The following ENTREP2 variants were observed in gnomAD, a reference collection of about 807,000 sequenced individuals.
ENTREP2 encodes protein ENTREP2.
At chr15:29,343,455 A>T in the ENTREP2 span, among the ~76,000 whole-genome samples, 6 of 151,940 alleles carry the variant, frequency 3.9e-5, no homozygotes. Flanking sequence ...CAGAATTCAG[A>T]CTCACAAATG....
chr15:29,502,411 C>T, the ENTREP2 span, among the ~76,000 whole-genome samples: 1 of 151,616 alleles, frequency 6.6e-6, no homozygotes, highest in African/African-American at 2.4e-5. Flanking sequence ...AGTTGGACCC[C>T]ACCTTATACC....
the ENTREP2 span, chr15:29,126,534 G>A: frequency 9.9e-6 from 15 of 1,521,486 alleles, no homozygotes; most frequent in African/African-American, 1.4e-5. Context: ...CGGCCGCAGG[G>A]GACGCTGGCG....
the ENTREP2 span, among the ~76,000 whole-genome samples, chr15:29,426,674 T>C: frequency 1.6e-4 from 25 of 152,210 alleles, no homozygotes; most frequent in African/African-American, 5.5e-4. Flanking sequence ...TCCACTGCAC[T>C]TGACAGTCTC....
the ENTREP2 span, among the ~76,000 whole-genome samples, chr15:29,474,070 C>T: frequency 6.6e-6 from 1 of 152,176 alleles, no homozygotes; most frequent in Non-Finnish European, 1.5e-5. Flanking sequence ...TGCGTGCTGC[C>T]CTACCCTATG....
At chr15:29,236,946 C>A in the ENTREP2 span, among the ~76,000 whole-genome samples, 1 of 152,060 alleles carries the variant, frequency 6.6e-6, no homozygotes, top group Non-Finnish European at 1.5e-5. Flanking sequence ...TAAACCAATA[C>A]CTCTCGTGAA....
At chr15:29,305,977 T>A in the ENTREP2 span, among the ~76,000 whole-genome samples, 1 of 152,244 alleles carries the variant, frequency 6.6e-6, no homozygotes, top group Non-Finnish European at 1.5e-5. Context: ...AGGGAAGGGC[T>A]GAGCAGCTCT....
chr15:29,289,243 A>C, the ENTREP2 span, among the ~76,000 whole-genome samples: 122 of 152,062 alleles, frequency 8.0e-4, no homozygotes, highest in Admixed American at 1.6e-3. Context: ...AAAAATGCAC[A>C]TAACACAATG....
the ENTREP2 span, among the ~76,000 whole-genome samples, chr15:29,653,448 C>T: frequency 2.0e-5 from 3 of 152,132 alleles, no homozygotes; most frequent in African/African-American, 7.2e-5. Context: ...GTTGTAATCC[C>T]CATAATCCCC....
At chr15:29,419,414 G>A in the ENTREP2 span, among the ~76,000 whole-genome samples, 1 of 151,948 alleles carries the variant, frequency 6.6e-6, no homozygotes, top group Non-Finnish European at 1.5e-5. Flanking sequence ...AGCAAGACAG[G>A]TCAATTAAAA....
the ENTREP2 span, among the ~76,000 whole-genome samples, chr15:29,506,830 A>G: frequency 1.3e-5 from 2 of 152,230 alleles, no homozygotes; most frequent in African/African-American, 4.8e-5. Context: ...TATCAACACT[A>G]TGAAGAAACT....
At chr15:29,170,628 G>T in the ENTREP2 span, among the ~76,000 whole-genome samples, 2 of 152,068 alleles carry the variant, frequency 1.3e-5, no homozygotes, top group African/African-American at 4.8e-5. Context: ...TCTGTGACAG[G>T]ATCATTTTAA....
the ENTREP2 span, among the ~76,000 whole-genome samples, chr15:29,648,737 A>G: frequency 6.6e-6 from 1 of 152,200 alleles, no homozygotes; most frequent in African/African-American, 2.4e-5. Context: ...CAGGAGTTCA[A>G]GACCAGCCTG....
the ENTREP2 span, among the ~76,000 whole-genome samples, chr15:29,226,960 G>C: frequency 0.42 from 63,980 of 152,092 alleles, 13,765 homozygotes; most frequent in East Asian, 0.6. Context: ...ACCAGATGAT[G>C]TCAGCTAACT....
the ENTREP2 span, among the ~76,000 whole-genome samples, chr15:29,348,048 G>T: frequency 6.6e-6 from 1 of 152,144 alleles, no homozygotes; most frequent in Non-Finnish European, 1.5e-5. Context: ...TGCAAGGGGT[G>T]GGCGAGCTTA....
the ENTREP2 span, among the ~76,000 whole-genome samples, chr15:29,286,066 C>T: frequency 6.6e-6 from 1 of 152,166 alleles, no homozygotes; most frequent in African/African-American, 2.4e-5. Flanking sequence ...TAAACAATCA[C>T]TACAACAACT....
chr15:29,276,452 C>T, the ENTREP2 span, among the ~76,000 whole-genome samples: 1 of 152,192 alleles, frequency 6.6e-6, no homozygotes, highest in Non-Finnish European at 1.5e-5. Context: ...TAGTATAGGG[C>T]TGCCTTCCTT....
chr15:29,282,472 T>C, the ENTREP2 span, among the ~76,000 whole-genome samples: 39 of 152,334 alleles, frequency 2.6e-4, no homozygotes, highest in African/African-American at 8.9e-4. Context: ...CTAACTTGAA[T>C]GATGCCTGTC....
chr15:29,645,719 C>T, the ENTREP2 span, among the ~76,000 whole-genome samples: 2 of 151,992 alleles, frequency 1.3e-5, no homozygotes, highest in Non-Finnish European at 2.9e-5. Flanking sequence ...CCACCATACC[C>T]AGCTACTTTT....
At chr15:29,589,100 A>G in the ENTREP2 span, among the ~76,000 whole-genome samples, 2 of 152,328 alleles carry the variant, frequency 1.3e-5, no homozygotes, top group Admixed American at 1.3e-4. Context: ...ACTATAAATC[A>G]GAGAGTGACT....
Sources: gnomAD v4.1 joint callset for allele counts (sites outside exome capture counted in the v4.1 genomes callset) on GRCh38, gnomAD v4.1.1 for gene constraint, MANE v1.5 for transcripts, NCBI Gene and HGNC (gene_info 2026-07-23, HGNC 2026-07-21) for gene names.